IQGAP2: variants seen among roughly 807,000 people sequenced by gnomAD.
IQGAP2 encodes the protein IQ motif containing GTPase activating protein 2, also known as ras GTPase-activating-like protein IQGAP2.
In IQGAP2, 173 loss-of-function variants were observed where a neutral mutation model predicts 201.3. The ratio of observed to expected loss-of-function variants is 0.86; its 90% CI spans 0.76 to 0.98. IQGAP2 has a LOEUF of 0.98. IQGAP2 is among the 50% of genes least tolerant of loss of function. IQGAP2 has a pLI of 0.00. For synonymous variants in IQGAP2, 675 were observed against 673.9 expected (o/e 1.00, Z -0.03); for missense variants, 1,687 against 1,864.8 (o/e 0.90, Z 1.76).
At chr5:76,531,870 C>T (rs1477089224) in intron 2 of IQGAP2, among the ~76,000 whole-genome samples, 1 of 152,204 alleles carries the variant, frequency 6.6e-6, no homozygotes, top group Admixed American at 6.5e-5. Context: ...TTATTTCTCA[C>T]AATTCAGGAG....
intron 17 of IQGAP2, among the ~76,000 whole-genome samples, chr5:76,644,295 C>CTTTTTTTTTTGTTTTTTTTTTTTT (rs1751841093): frequency 2.1e-5 from 1 of 47,778 alleles, no homozygotes; most frequent in Non-Finnish European, 4.3e-5. Flanking sequence ...TTTGTAAATC[C>CTTTTTTTTTTGTTTTTTTTTTTTT]TTTTTTTTTT....
intron 4 of IQGAP2, among the ~76,000 whole-genome samples, chr5:76,573,692 A>G (rs1049602601): frequency 2.6e-5 from 4 of 152,092 alleles, no homozygotes; most frequent in East Asian, 1.9e-4. Context: ...GCTCACTGCA[A>G]TCTTCGCCTC....
At chr5:76,586,883 A>G (rs1746284700) in intron 5 of IQGAP2, among the ~76,000 whole-genome samples, 1 of 152,210 alleles carries the variant, frequency 6.6e-6, no homozygotes, top group Non-Finnish European at 1.5e-5. Context: ...TTTGCTGCTA[A>G]GAAGTGGGTT....
chr5:76,588,840 T>C, intron 5 of IQGAP2, 66 bp from the exon 6 acceptor site: 1 of 942,308 alleles, frequency 1.1e-6, no homozygotes, highest in Non-Finnish European at 1.6e-6. Context: ...TTAAGAATTA[T>C]GTAATTTATA....
intron 31 of IQGAP2, 117 bp from the exon 32 acceptor site, chr5:76,695,337 C>G (rs1208953304): frequency 3.8e-6 from 3 of 782,562 alleles, no homozygotes; most frequent in Admixed American, 4.6e-5. Context: ...TGGTTCTAGT[C>G]TCTGAACTTT....
At position 76,637,076 on chromosome 5, in the gene IQGAP2, A is replaced by T. The variant is rs976205552; in HGVS notation, c.1823A>T (p.Lys608Ile). 2 of 1,612,110 alleles carry T rather than the reference A, an allele frequency of 1.2e-6. No homozygotes were observed. The highest frequency in any genetic ancestry group is 1.3e-5 in the African/African-American group (1 of 75,000). ...GSWLKLNLHK[K>I]YDYYYNTDSK... ...TGGCTCAAACTCAACCTGCACAAAA[A>T]ATATGACTACTATTACAACACTGAT... Residue 608 changes from lysine (K) to isoleucine (I), a missense_variant, in exon 16 of 36, where the codon AAA becomes ATA. Coordinates refer to ENST00000274364, the MANE Select transcript of IQGAP2 (RefSeq NM_006633.5).
intron 13 of IQGAP2, among the ~76,000 whole-genome samples, chr5:76,612,989 G>A (rs568681714): frequency 7.8e-4 from 119 of 152,320 alleles, no homozygotes; most frequent in Non-Finnish European, 1.4e-3. Flanking sequence ...TGAAGGTGGA[G>A]AAATGTATCC....
chr5:76,680,148 A>G (rs1303630459), intron 28 of IQGAP2, among the ~76,000 whole-genome samples: 1 of 152,238 alleles, frequency 6.6e-6, no homozygotes, highest in Non-Finnish European at 1.5e-5. Context: ...AAGGTTAGAC[A>G]TAAAGACTAA....
chr5:76,475,919 A>G (rs1025556863), intron 2 of IQGAP2, among the ~76,000 whole-genome samples: 1 of 152,108 alleles, frequency 6.6e-6, no homozygotes, highest in African/African-American at 2.4e-5. Flanking sequence ...TCATGAGAGT[A>G]TTGCTGAAAT....
intron 9 of IQGAP2, among the ~76,000 whole-genome samples, chr5:76,593,613 T>C (rs1352515081): frequency 6.6e-6 from 1 of 152,216 alleles, no homozygotes; most frequent in African/African-American, 2.4e-5. Context: ...AAAACCTATT[T>C]TTACTTGAGC....
intron 30 of IQGAP2, among the ~76,000 whole-genome samples, chr5:76,692,230 C>A (rs562265150): frequency 4.5e-4 from 69 of 152,332 alleles, no homozygotes; most frequent in Middle Eastern, 3.4e-3. Context: ...CAGCTTACTG[C>A]AACCTCTGCC....
rs188908459 is a variant in IQGAP2 at position 76,525,238 on chromosome 5, C to T, written c.147-37158C>T. Among the ~76,000 whole-genome samples the T allele has an allele frequency of 6.6e-4, 101 of 152,244 alleles. No homozygotes were observed. The South Asian group carries it at 7.5e-3, about 11-fold the overall frequency. Reference sequence around the variant, plus strand: ...CTATTTTTTGTTTTAACCAGTTGTGCCATTGTTTGCTGATGGAAATTGTTA... The same window carrying T: ...CTATTTTTTGTTTTAACCAGTTGTGTCATTGTTTGCTGATGGAAATTGTTA... On this transcript the variant is annotated intron_variant, in intron 2 of 35. Transcript: ENST00000274364.
In IQGAP2 at chr5:76,403,499, G is replaced by T. The variant is rs1750620380; in HGVS notation, c.-47G>T. The T allele has an allele frequency of 7.1e-7, 1 of 1,417,244 alleles. No homozygotes were observed. The highest frequency in any genetic ancestry group is 1.4e-5 in the South Asian group (1 of 69,650). 87.8% of individuals were successfully genotyped at this position (1,417,244 alleles called of 1,614,324 possible). A position where few individuals can be genotyped will look rare whatever the true frequency, so the allele number is the denominator to read the frequency against. On this transcript the variant is annotated 5_prime_UTR_variant, in exon 1 of 36. Coordinates refer to ENST00000274364, the MANE Select transcript of IQGAP2 (RefSeq NM_006633.5). The surrounding 1 kb of genome is among the most constrained non-coding windows in gnomAD (Gnocchi z 4.8). Reference sequence around the variant, plus strand: ...GAGCCCGCGAGCCTGGCCAGCGAGGGTAGCCGCGGGGGGCGCGCCCCGGGC... The same window carrying T: ...GAGCCCGCGAGCCTGGCCAGCGAGGTTAGCCGCGGGGGGCGCGCCCCGGGC...
intron 1 of IQGAP2, among the ~76,000 whole-genome samples, chr5:76,426,810 T>A (rs953143975): frequency 1.3e-5 from 2 of 152,122 alleles, no homozygotes; most frequent in Non-Finnish European, 2.9e-5. Context: ...GGGGCCCTTC[T>A]TGATGAAAGG....
chr5:76,686,335 T>C (rs1006358212), intron 30 of IQGAP2, among the ~76,000 whole-genome samples: 1 of 115,802 alleles, frequency 8.6e-6, no homozygotes, highest in African/African-American at 3.6e-5. Context: ...AGTTTATCTG[T>C]TTTTTTTGTT....
At chr5:76,516,857 T>C (rs1374195032) in intron 2 of IQGAP2, among the ~76,000 whole-genome samples, 5 of 152,262 alleles carry the variant, frequency 3.3e-5, no homozygotes, top group Non-Finnish European at 7.3e-5. Flanking sequence ...GACTAGCTGC[T>C]ATCTTAACTT....
chr5:76,674,073 TG>T (rs758124379), intron 26 of IQGAP2, 37 bp downstream of exon 26: 1 of 1,141,140 alleles, frequency 8.8e-7, no homozygotes, highest in South Asian at 1.2e-5. Flanking sequence ...TAGCTTCTCC[TG>T]GGGGTATGAA....
At chr5:76,490,088 G>A (rs937216063) in intron 2 of IQGAP2, among the ~76,000 whole-genome samples, 1 of 152,194 alleles carries the variant, frequency 6.6e-6, no homozygotes, top group Admixed American at 6.5e-5. Flanking sequence ...TTCACTCTAA[G>A]CAGTGCTTTT....
intron 1 of IQGAP2, among the ~76,000 whole-genome samples, chr5:76,448,572 A>C (rs1753542122): frequency 6.6e-6 from 1 of 152,140 alleles, no homozygotes; most frequent in Non-Finnish European, 1.5e-5. Context: ...CAAGAAACCC[A>C]TCTGGTGTGC....
Sources: gnomAD v4.1 joint callset for allele counts (sites outside exome capture counted in the v4.1 genomes callset) on GRCh38, gnomAD v4.1.1 for gene constraint, Gnocchi (gnomAD v3.1) non-coding constraint, MANE v1.5 for transcripts, NCBI Gene and HGNC (gene_info 2026-07-23, HGNC 2026-07-21) for gene names.